The following NTRK3 variants were observed in gnomAD, a reference collection of about 807,000 sequenced individuals.
NTRK3 encodes the protein neurotrophic receptor tyrosine kinase 3.
NTRK3 carries 24 observed loss-of-function variants against 91.7 expected under a neutral mutation model. That is an observed-to-expected ratio of 0.26 (90% confidence interval 0.19 to 0.37). The LOEUF (loss-of-function observed/expected upper bound fraction) is 0.37, where lower values mean the gene tolerates loss of function less well. NTRK3 is among the 10% of genes least tolerant of loss of function. The pLI, the probability that NTRK3 is intolerant of heterozygous loss-of-function variation, is 1.00. For synonymous variants in NTRK3, 483 were observed against 404.0 expected (o/e 1.20, Z -2.34); for missense variants, 880 against 1,068.9 (o/e 0.82, Z 2.46).
chr15:87,931,072 C>G, intron 16 of NTRK3: 1 of 357,590 alleles, frequency 2.8e-6, no homozygotes, highest in Non-Finnish European at 5.4e-6. Flanking sequence ...TTCTTTTCTT[C>G]TTACTTTCTG....
chr15:88,180,093 G>A (rs999880886), intron 5 of NTRK3, among the ~76,000 whole-genome samples: 9 of 152,082 alleles, frequency 5.9e-5, no homozygotes, highest in East Asian at 5.8e-4. Context: ...CTCTCTGAAC[G>A]CTCACTATTT....
chr15:87,896,568 C>T (rs2066138538), intron 17 of NTRK3, among the ~76,000 whole-genome samples: 1 of 151,826 alleles, frequency 6.6e-6, no homozygotes, highest in Non-Finnish European at 1.5e-5. Context: ...CTATAGTTTT[C>T]CTTCTTTTTA....
intron 13 of NTRK3, among the ~76,000 whole-genome samples, chr15:88,070,470 C>T (rs2047004635): frequency 6.6e-6 from 1 of 152,070 alleles, no homozygotes; most frequent in African/African-American, 2.4e-5. Context: ...GTGAAAGGAG[C>T]AGAGAAACAT....
At chr15:88,167,349 G>A (rs1258726430) in intron 5 of NTRK3, among the ~76,000 whole-genome samples, 3 of 152,132 alleles carry the variant, frequency 2.0e-5, no homozygotes, top group Non-Finnish European at 4.4e-5. Context: ...GAAACCAGAT[G>A]AGTCTCCTCC....
chr15:88,211,669 A>G (rs2049258655), intron 3 of NTRK3, among the ~76,000 whole-genome samples: 1 of 152,242 alleles, frequency 6.6e-6, no homozygotes, highest in Non-Finnish European at 1.5e-5. Flanking sequence ...AGTTCTCACA[A>G]TCAGGCACTG....
At chr15:87,969,469 T>C (rs981650334) in intron 14 of NTRK3, among the ~76,000 whole-genome samples, 4 of 152,146 alleles carry the variant, frequency 2.6e-5, no homozygotes, top group African/African-American at 9.7e-5. Context: ...CAAGTAGAGC[T>C]CAACAGCATG....
chr15:88,072,028 T>G (rs1003490897), intron 13 of NTRK3, among the ~76,000 whole-genome samples: 18 of 147,006 alleles, frequency 1.2e-4, no homozygotes, highest in Non-Finnish European at 2.7e-4. Flanking sequence ...TTTTTTGAGA[T>G]GGAGTCTTGC....
At chr15:87,928,940 T>C in intron 17 of NTRK3, 1 of 605,644 alleles carries the variant, frequency 1.7e-6, no homozygotes, top group East Asian at 2.8e-5. Context: ...ACACAATGCA[T>C]ATGTTATTGC....
Position 88,233,792 on chromosome 15 carries a change from T to TGC in NTRK3, c.248+22113_248+22114insGC, listed in dbSNP as rs2051426157. 6.6e-6 allele frequency among the ~76,000 whole-genome samples: 1 copy of TGC among 151,064 alleles called. No individual in the cohort carries two copies. Among genetic ancestry groups the TGC allele is most frequent in the African/African-American group, 2.5e-5 (1 of 40,806 alleles). On this transcript the variant is annotated intron_variant, in intron 3 of 18. Coordinates refer to ENST00000394480, the Ensembl canonical transcript of NTRK3. This position sits in a 1 kb window ranked among gnomAD's most constrained non-coding sequence, Gnocchi z 4.2. ...CTCCTCCTCCCCTGACATCCAGTGC[T>TGC]CCCCCTCCCTGCCTTGTCCAAGAGA... is the stretch of plus-strand genomic sequence containing the variant.
At chr15:87,885,596 G>A (rs1430222859) in intron 17 of NTRK3, 98 bp downstream of exon 18, 2 of 664,036 alleles carry the variant, frequency 3.0e-6, no homozygotes, top group Admixed American at 3.5e-5. Flanking sequence ...GCAGACCCAT[G>A]TATAAATATT....
At chr15:88,172,188 A>G (rs1181494161) in intron 5 of NTRK3, among the ~76,000 whole-genome samples, 1 of 152,242 alleles carries the variant, frequency 6.6e-6, no homozygotes, top group Non-Finnish European at 1.5e-5. Flanking sequence ...TAACCCAGCA[A>G]GAAAAGAGAC....
intron 17 of NTRK3, chr15:87,927,116 C>T (rs919138833): frequency 1.7e-4 from 26 of 152,250 alleles, no homozygotes; most frequent in African/African-American, 6.3e-4. Context: ...TCTATGACTA[C>T]TGCCACATCA....
chr15:88,102,896 C>T (rs761551201), intron 13 of NTRK3, among the ~76,000 whole-genome samples: 1 of 152,178 alleles, frequency 6.6e-6, no homozygotes. Context: ...ACCCTCCAGT[C>T]AGAGTTGATG....
At chr15:87,960,666 G>C (rs2072186519) in intron 14 of NTRK3, among the ~76,000 whole-genome samples, 1 of 152,020 alleles carries the variant, frequency 6.6e-6, no homozygotes, top group African/African-American at 2.4e-5. Context: ...TATATTTTTA[G>C]TGGAGATGGT....
intron 13 of NTRK3, among the ~76,000 whole-genome samples, chr15:88,111,908 GTT>G (rs57625455): frequency 7.4e-6 from 1 of 134,978 alleles, no homozygotes. Context: ...TTTTGTTTTT[GTT>G]TTTTTTTTTT....
chr15:87,874,663 C>G (rs878898336), exon 19 of NTRK3: 2 of 232,698 alleles, frequency 8.6e-6, no homozygotes, highest in East Asian at 1.2e-4. Flanking sequence ...TGGTGCTTCA[C>G]TTCTAACCAG....
At chr15:88,178,861 AG>A (rs2046225977) in intron 5 of NTRK3, among the ~76,000 whole-genome samples, 2 of 152,234 alleles carry the variant, frequency 1.3e-5, no homozygotes, top group African/African-American at 4.8e-5. Flanking sequence ...AGGGGGAAAG[AG>A]CAGCTCTTTC....
chr15:88,155,909 C>T (rs2043850553), intron 5 of NTRK3, among the ~76,000 whole-genome samples: 1 of 152,132 alleles, frequency 6.6e-6, no homozygotes, highest in Non-Finnish European at 1.5e-5. Flanking sequence ...GTGCTTCACT[C>T]TCAGAGCTCA....
chr15:88,089,718 C>T (rs2048838771), intron 13 of NTRK3, among the ~76,000 whole-genome samples: 1 of 152,330 alleles, frequency 6.6e-6, no homozygotes, highest in Admixed American at 6.5e-5. Flanking sequence ...AGGGCACAAC[C>T]TGTGCTACTG....
Sources: gnomAD v4.1 joint callset for allele counts (sites outside exome capture counted in the v4.1 genomes callset) on GRCh38, gnomAD v4.1.1 for gene constraint, Gnocchi (gnomAD v3.1) non-coding constraint, MANE v1.5 for transcripts, NCBI Gene and HGNC (gene_info 2026-07-23, HGNC 2026-07-21) for gene names.